The following MBD5 variants were observed in gnomAD, a reference collection of about 807,000 sequenced individuals.
The protein encoded by MBD5 is methyl-CpG binding domain protein 5, also known as methyl-CpG-binding domain protein 5.
A neutral mutation model predicts 117.3 loss-of-function variants in MBD5; 13 were observed. The observed-to-expected ratio is 0.11, with a 90% CI of 0.07 to 0.18. The LOEUF (loss-of-function observed/expected upper bound fraction) is 0.18. Ranked by LOEUF, MBD5 falls within the 10% of genes least tolerant of loss-of-function variation. The pLI, the probability that MBD5 is intolerant of heterozygous loss-of-function variation, is 1.00. For synonymous variants in MBD5, 727 were observed against 766.4 expected, an observed-to-expected ratio of 0.95 and a Z score of 0.85; for missense variants, 1,879 against 2,093.8, an observed-to-expected ratio of 0.90 and a Z score of 2.00.
chr2:148,283,662 T>A (rs1185858255), intron 3 of MBD5, among the ~76,000 whole-genome samples: 1 of 152,168 alleles, frequency 6.6e-6, no homozygotes, highest in African/African-American at 2.4e-5. Context: ...AGAAATGTGC[T>A]CTCCACTGAA....
At chr2:148,369,979 C>G (rs1447341919) in intron 4 of MBD5, among the ~76,000 whole-genome samples, 1 of 152,126 alleles carries the variant, frequency 6.6e-6, no homozygotes, top group African/African-American at 2.4e-5. Flanking sequence ...TTTACTCATT[C>G]TTTATTCCCC....
At chr2:148,034,475 G>C (rs1558895632) in intron 1 of MBD5, among the ~76,000 whole-genome samples, 1 of 152,114 alleles carries the variant, frequency 6.6e-6, no homozygotes, top group Non-Finnish European at 1.5e-5. Context: ...ATTAACGAAT[G>C]CTGGATAAAC....
In MBD5 at chr2:148,483,702, A is replaced by C; in HGVS notation, c.3111A>C (p.Pro1037=). ...TQMTAPPDHL[P]SNQSDNSRAE... Reference sequence around the variant, plus strand: ...TGACAGCCCCACCAGACCATTTGCCAAGCAATCAGTCAGACAACAGCCGAG... The same window carrying C: ...TGACAGCCCCACCAGACCATTTGCCCAGCAATCAGTCAGACAACAGCCGAG... The change falls in exon 9 of 14, where the codon CCA becomes CCC. Residue 1037 remains proline (P), a synonymous_variant. Coordinates refer to ENST00000642680, the MANE Select transcript of MBD5 (RefSeq NM_001378120.1). 1.3e-6 allele frequency: 2 copies of C among 1,550,608 alleles called. No individual in the cohort carries two copies. The highest frequency in any genetic ancestry group is 1.7e-6 in the Non-Finnish European group (2 of 1,146,986).
At chr2:148,102,237 A>G (rs1366722655) in intron 1 of MBD5, among the ~76,000 whole-genome samples, 1 of 152,208 alleles carries the variant, frequency 6.6e-6, no homozygotes, top group Non-Finnish European at 1.5e-5. Flanking sequence ...ACAGACCTGA[A>G]AACGGCTTTC....
intron 4 of MBD5, among the ~76,000 whole-genome samples, chr2:148,383,739 A>G (rs1438467752): frequency 1.3e-5 from 2 of 152,164 alleles, no homozygotes; most frequent in African/African-American, 2.4e-5. Context: ...GAATCCAGCA[A>G]CACATCAAAA....
chr2:148,061,709 A>G (rs915538795), intron 1 of MBD5, among the ~76,000 whole-genome samples: 5 of 151,916 alleles, frequency 3.3e-5, no homozygotes, highest in African/African-American at 1.2e-4. Context: ...ATTCTTGAAA[A>G]TGAAATTCTT....
chr2:148,188,484 G>C (rs1408132129), intron 2 of MBD5, among the ~76,000 whole-genome samples: 2 of 152,008 alleles, frequency 1.3e-5, no homozygotes, highest in Non-Finnish European at 2.9e-5. Flanking sequence ...CCAGGAGTTT[G>C]AGACCAGCCT....
intron 8 of MBD5, chr2:148,470,895 G>T: frequency 6.0e-6 from 1 of 166,376 alleles, no homozygotes; most frequent in Non-Finnish European, 1.3e-5. Context: ...AAAAATAAAT[G>T]GATTTTTTTT....
intron 3 of MBD5, among the ~76,000 whole-genome samples, chr2:148,248,189 A>G (rs545453730): frequency 1.2e-4 from 18 of 152,126 alleles, no homozygotes; most frequent in Non-Finnish European, 2.1e-4. Context: ...ACGTCCAAAT[A>G]TCTACATCTT....
intron 4 of MBD5, among the ~76,000 whole-genome samples, chr2:148,379,143 G>A (rs942531956): frequency 6.6e-6 from 1 of 151,952 alleles, no homozygotes; most frequent in Non-Finnish European, 1.5e-5. Flanking sequence ...AAGAACAGCA[G>A]TCTACAGATA....
chr2:148,246,790 GT>G (rs1700347673), intron 3 of MBD5, among the ~76,000 whole-genome samples: 1 of 116,378 alleles, frequency 8.6e-6, no homozygotes, highest in South Asian at 2.9e-4. Context: ...AAAAAAAATT[GT>G]TTGCTACTGT....
intron 11 of MBD5, among the ~76,000 whole-genome samples, chr2:148,492,860 C>CA (rs1170472376): frequency 2.0e-5 from 3 of 151,944 alleles, no homozygotes; most frequent in Non-Finnish European, 4.4e-5. Flanking sequence ...CTGTATAAGA[C>CA]AAAACGTGAT....
chr2:148,479,974 GA>G (rs1032775724), intron 8 of MBD5, among the ~76,000 whole-genome samples: 70 of 152,008 alleles, frequency 4.6e-4, no homozygotes, highest in African/African-American at 1.5e-3. Context: ...TTTGAGAGAA[GA>G]AAAAGACAGA....
intron 4 of MBD5, among the ~76,000 whole-genome samples, chr2:148,383,728 T>C (rs1183426541): frequency 2.0e-5 from 3 of 152,068 alleles, no homozygotes; most frequent in Admixed American, 6.5e-5. Context: ...ACTGGCAAAC[T>C]GAATCCAGCA....
intron 4 of MBD5, among the ~76,000 whole-genome samples, chr2:148,354,385 G>A (rs1480286823): frequency 6.6e-6 from 1 of 152,050 alleles, no homozygotes; most frequent in African/African-American, 2.4e-5. Context: ...CTGTTCTTGT[G>A]TTAGTTTGCT....
chr2:148,036,928 TGG>T (rs1392242461), intron 1 of MBD5, among the ~76,000 whole-genome samples: 8 of 152,044 alleles, frequency 5.3e-5, no homozygotes, highest in Non-Finnish European at 1.2e-4. Context: ...ACAGTTTGGT[TGG>T]GGGACCCAGA....
chr2:148,429,193 A>G (rs1040218136), intron 4 of MBD5, among the ~76,000 whole-genome samples: 1 of 152,218 alleles, frequency 6.6e-6, no homozygotes, highest in African/African-American at 2.4e-5. Context: ...AAAAATATGA[A>G]GAGACACTTC....
At position 148,483,930 on chromosome 2, in the gene MBD5, C is replaced by T; in HGVS notation, c.3339C>T (p.Ser1113=). 1 of 1,550,518 alleles carries T rather than the reference C, an allele frequency of 6.4e-7. No homozygotes were observed. The highest frequency in any genetic ancestry group is 8.7e-7 in the Non-Finnish European group (1 of 1,146,954). Residue 1113 remains serine, a synonymous_variant, in exon 9 of 14, where the codon TCC becomes TCT. Transcript: ENST00000642680. The part of the protein sequence containing the change: ...NHPEVSIATS[S]QATTTTTTTS... ...CAGAGGTTTCCATAGCAACCTCCTC[C>T]CAGGCAACCACTACCACAACCACTA...
chr2:148,252,936 G>A (rs1488309941), intron 3 of MBD5, among the ~76,000 whole-genome samples: 1 of 152,120 alleles, frequency 6.6e-6, no homozygotes, highest in Admixed American at 6.5e-5. Context: ...ATGGCATTGT[G>A]GTGTCTGAAG....
Sources: gnomAD v4.1 joint callset for allele counts (sites outside exome capture counted in the v4.1 genomes callset) on GRCh38, gnomAD v4.1.1 for gene constraint, MANE v1.5 for transcripts, NCBI Gene and HGNC (gene_info 2026-07-23, HGNC 2026-07-21) for gene names.